MBTPS1: variants seen among roughly 807,000 people sequenced by gnomAD.
MBTPS1 encodes membrane bound transcription factor peptidase, site 1, also known as membrane-bound transcription factor site-1 protease.
Under a neutral mutation model 127.8 loss-of-function variants are expected in MBTPS1, and 94 were observed. That is an observed-to-expected ratio of 0.74 (90% CI 0.62 to 0.87). MBTPS1 has a LOEUF of 0.87. MBTPS1 is among the 40% of genes least tolerant of loss of function. MBTPS1 has a pLI of 0.00. For synonymous variants in MBTPS1, 632 were observed against 509.4 expected, an observed-to-expected ratio of 1.24 and a Z score of -3.24; for missense variants, 1,636 against 1,353.2, an observed-to-expected ratio of 1.21 and a Z score of -3.28.
intron 3 of MBTPS1, 58 bp from the exon 4 acceptor site, chr16:84,095,863 C>A (rs190457424): frequency 7.0e-7 from 1 of 1,434,270 alleles, no homozygotes; most frequent in Non-Finnish European, 9.7e-7. Context: ...ACACGATACC[C>A]GCCAGGCAAA....
chr16:84,094,894 G>C (rs771714655), intron 4 of MBTPS1, among the ~76,000 whole-genome samples: 32 of 152,166 alleles, frequency 2.1e-4, no homozygotes, highest in Non-Finnish European at 4.7e-4. Flanking sequence ...GGGTCCCTAA[G>C]TCAAGGATAT....
rs751889545 is a variant in MBTPS1 at position 84,093,262 on chromosome 16, C to G, written c.772G>C (p.Ala258Pro). The change falls in exon 6 of 23, where the codon GCC (alanine) becomes CCC (proline). Residue 258 changes from alanine (A) to proline (P), a missense_variant. Physicochemically the swap from Ala to Pro is conservative, Grantham distance 27 (BLOSUM62 -1). Transcript: ENST00000343411. ...AATCCTTGGCACTCCCTCATGCTGG[C>G]TATCACACCTGCCACGAATGTGCCA... is the stretch of plus-strand genomic sequence containing the variant. ...GHGTFVAGVIASMRECQGFAP... is the reference protein window; with the variant it reads ...GHGTFVAGVIPSMRECQGFAP... The G allele has an allele frequency of 1.2e-6, 2 of 1,614,010 alleles. No homozygotes were observed. Among genetic ancestry groups the G allele is most frequent in the Non-Finnish European group, 1.7e-6 (2 of 1,179,888 alleles).
intron 6 of MBTPS1, among the ~76,000 whole-genome samples, chr16:84,092,651 TA>T (rs1272808247): frequency 1.3e-5 from 2 of 152,060 alleles, no homozygotes; most frequent in East Asian, 1.9e-4. Context: ...AAATTAACCT[TA>T]AAAAATAAAT....
chr16:84,097,404 C>T (rs1246770766), intron 3 of MBTPS1, among the ~76,000 whole-genome samples: 3 of 152,136 alleles, frequency 2.0e-5, no homozygotes, highest in Non-Finnish European at 4.4e-5. Context: ...ACTGAGGCTT[C>T]AAGATGGAAA....
chr16:84,099,449 G>C lies in MBTPS1; in HGVS notation c.164-139C>G, dbSNP rs995063018. The C allele has an allele frequency of 2.2e-5, 19 of 849,386 alleles. No individual in the cohort carries two copies. The East Asian group carries it at 4.2e-4, about 19-fold the overall frequency. The allele number at this position is 849,386 out of a possible 1,614,324, so 52.6% of individuals were successfully genotyped here. On this transcript the variant is annotated intron_variant, in intron 2 of 22. Transcript: ENST00000343411. ...CAGACGAGAGAAAACACAAAGACTA[G>C]TTTAAGTACCTAGACAGCTGTCTGC...
chr16:84,072,582 G>C (rs766617285), intron 12 of MBTPS1, among the ~76,000 whole-genome samples: 38 of 152,196 alleles, frequency 2.5e-4, no homozygotes, highest in Non-Finnish European at 1.5e-4. Flanking sequence ...ATGAGGTGAG[G>C]AGATCGAGAC....
At position 84,069,869 on chromosome 16, in the gene MBTPS1, T is replaced by A; in HGVS notation, c.1952A>T (p.Asp651Val). The A allele has an allele frequency of 6.2e-7, 1 of 1,613,592 alleles. No homozygotes were observed. Among genetic ancestry groups the A allele is most frequent in the Non-Finnish European group, 8.5e-7 (1 of 1,179,858 alleles). ...GTGCATCCTGTGAGGTGCTTACCAG[T>A]CTAAAGGGTCATTCTTCATCCTTAA... The part of the protein sequence containing the change: ...DNLRMKNDPL[D>V]WNGDHIHTNF... The change falls in exon 14 of 23, where the codon GAC becomes GTC. Residue 651 changes from aspartate to valine, a missense_variant. Asp to Val is a radical substitution (Grantham distance 152). Coordinates refer to ENST00000343411, the MANE Select transcript of MBTPS1 (RefSeq NM_003791.4).
In MBTPS1 at chr16:84,095,822, G is replaced by A; in HGVS notation, c.422-17C>T. ...TGGGGTCAGCTACAGGCAAGGGAGA[G>A]AAAGATCAGAACAGAAGAGCAAAAC... On this transcript the variant is annotated splice_polypyrimidine_tract_variant and intron_variant, in intron 3 of 22. Transcript: ENST00000343411. 6.2e-7 allele frequency: 1 copy of A among 1,608,414 alleles called. No individual in the cohort carries two copies. Among genetic ancestry groups the A allele is most frequent in the Non-Finnish European group, 8.5e-7 (1 of 1,176,540 alleles).
Position 84,068,398 on chromosome 16 carries a change from A to C in MBTPS1, c.2012T>G (p.Met671Arg). The C allele has an allele frequency of 1.2e-6, 2 of 1,614,272 alleles. No individual in the cohort carries two copies. The highest frequency in any genetic ancestry group is 1.1e-5 in the South Asian group (1 of 91,090). ...FRDMYQHLRS[M>R]GYFVEVLGAP... ...CCCGAGGACCTCTACAAAGTAGCCC[A>C]TGCTTCTCAGATGCTGGTACATATC... The change falls in exon 15 of 23, where the codon ATG (methionine) becomes AGG (arginine). Residue 671 changes from methionine (M) to arginine (R), a missense_variant. Transcript: ENST00000343411.
chr16:84,097,860 G>T (rs892364917), intron 3 of MBTPS1, among the ~76,000 whole-genome samples: 2 of 151,540 alleles, frequency 1.3e-5, no homozygotes, highest in African/African-American at 4.8e-5. Flanking sequence ...GTGTGTGTGT[G>T]TGTGTGTGTG....
rs762887983 is a variant in MBTPS1 at position 84,091,822 on chromosome 16, G to A, written c.873C>T (p.Asp291=). 26 of 1,612,816 alleles carry A rather than the reference G, an allele frequency of 1.6e-5. No individual in the cohort carries two copies. The highest frequency in any genetic ancestry group is 1.6e-4 in the Middle Eastern group (1 of 6,082). ...NQVSYTSWFL[D]AFNYAILKKI... ...TCTTTAAAATGGCATAGTTGAAGGC[G>A]TCCAAAAACCAAGATGTGTAAGATA... The change falls in exon 7 of 23, where the codon GAC becomes GAT. Residue 291 remains aspartate, a synonymous_variant. Coordinates refer to ENST00000343411, the MANE Select transcript of MBTPS1 (RefSeq NM_003791.4).
intron 11 of MBTPS1, 166 bp downstream of exon 11, chr16:84,081,581 G>A: frequency 2.3e-6 from 1 of 436,338 alleles, no homozygotes; most frequent in Non-Finnish European, 3.9e-6. Context: ...TACCAGTTCT[G>A]CCAGCAGCAC....
At chr16:84,091,999 T>C in intron 6 of MBTPS1, 151 bp from the exon 7 acceptor site, 1 of 590,414 alleles carries the variant, frequency 1.7e-6, no homozygotes, top group Non-Finnish European at 3.1e-6. Flanking sequence ...GCATGCATAA[T>C]GCTCTGGAGA....
At chr16:84,070,836 G>T in intron 12 of MBTPS1, 60 bp from the exon 13 acceptor site, 1 of 1,374,390 alleles carries the variant, frequency 7.3e-7, no homozygotes, top group Non-Finnish European at 1.0e-6. Flanking sequence ...AAAACACGTG[G>T]AAACCAGAAA....
intron 11 of MBTPS1, among the ~76,000 whole-genome samples, chr16:84,076,418 A>C (rs919900977): frequency 9.9e-5 from 15 of 152,238 alleles, no homozygotes; most frequent in Non-Finnish European, 4.4e-5. Flanking sequence ...CTGCTGTTCA[A>C]CACTGTGCTA....
chr16:84,112,175 C>T (rs2086406495), intron 1 of MBTPS1, among the ~76,000 whole-genome samples: 1 of 151,988 alleles, frequency 6.6e-6, no homozygotes, highest in South Asian at 2.1e-4. Flanking sequence ...GCATTCCAGC[C>T]TGGGCAATGG....
chr16:84,059,393 C>T lies in MBTPS1; in HGVS notation c.2740G>A (p.Ala914Thr), dbSNP rs370488919. 3.1e-6 allele frequency: 5 copies of T among 1,613,904 alleles called. No homozygotes were observed. In the African/African-American group the frequency reaches 6.7e-5, roughly 22 times the overall value. ...HLHRYSKVLE[A>T]HLGDPKPRPL... ...CGAGGTTTTGGGTCTCCCAAATGGGCCTCCAGAACCTTGGAGTACCGATGA... is the reference window on the plus strand; with the variant it reads ...CGAGGTTTTGGGTCTCCCAAATGGGTCTCCAGAACCTTGGAGTACCGATGA... The change falls in exon 21 of 23, where the codon GCC (alanine) becomes ACC (threonine). Residue 914 changes from alanine to threonine, a missense_variant. Transcript: ENST00000343411.
chr16:84,111,355 C>T (rs951685734), intron 1 of MBTPS1, among the ~76,000 whole-genome samples: 5 of 152,126 alleles, frequency 3.3e-5, no homozygotes, highest in Non-Finnish European at 7.3e-5. Flanking sequence ...GCCTGGCCAA[C>T]ATGGTGAAAC....
intron 11 of MBTPS1, among the ~76,000 whole-genome samples, chr16:84,080,131 T>C (rs1350812454): frequency 6.6e-6 from 1 of 152,070 alleles, no homozygotes; most frequent in African/African-American, 2.4e-5. Context: ...AACAGCCAAC[T>C]CGGGGACAAT....
Sources: allele counts gnomAD v4.1 joint callset (sites outside exome capture counted in the v4.1 genomes callset), GRCh38; gene constraint gnomAD v4.1.1; transcripts MANE v1.5; gene names NCBI Gene and HGNC (gene_info 2026-07-23, HGNC 2026-07-21).